PHF24: variants seen among roughly 807,000 people sequenced by gnomAD.
PHF24 encodes PHD finger protein 24.
A neutral mutation model predicts 42.6 loss-of-function variants in PHF24; 25 were observed. The observed-to-expected ratio is 0.59, with a 90% CI of 0.43 to 0.82. PHF24 has a LOEUF of 0.82. PHF24 is among the 40% of genes least tolerant of loss of function. The pLI is 0.00. For missense variants in PHF24, 470 were observed against 538.1 expected (o/e 0.87, Z 1.25); for synonymous variants, 185 against 204.8 (o/e 0.90, Z 0.83).
chr9:34,764,592 C>G, the PHF24 span, among the ~76,000 whole-genome samples: 1 of 151,828 alleles, frequency 6.6e-6, no homozygotes, highest in Non-Finnish European at 1.5e-5. Context: ...TCTCTCTTTT[C>G]TTCTTTATTA....
chr9:34,869,570 A>G, the PHF24 span, among the ~76,000 whole-genome samples: 1 of 152,006 alleles, frequency 6.6e-6, no homozygotes, highest in Non-Finnish European at 1.5e-5. Context: ...CTGCTGCAGA[A>G]CAGCTCCCCC....
chr9:34,908,975 G>A, the PHF24 span, among the ~76,000 whole-genome samples: 2 of 151,196 alleles, frequency 1.3e-5, no homozygotes, highest in East Asian at 1.9e-4. Context: ...AGCCTCCCAA[G>A]TAGCTGGGAT....
the PHF24 span, among the ~76,000 whole-genome samples, chr9:34,944,445 C>T: frequency 6.6e-6 from 1 of 152,234 alleles, no homozygotes; most frequent in African/African-American, 2.4e-5. Flanking sequence ...AAGTTTTTGG[C>T]CTAACAGCCA....
At chr9:34,919,649 G>GGTCTTA in the PHF24 span, among the ~76,000 whole-genome samples, 3 of 126,780 alleles carry the variant, frequency 2.4e-5, no homozygotes, top group Non-Finnish European at 5.1e-5. Flanking sequence ...TCAAATACTA[G>GGTCTTA]GTCTTATTCA....
the PHF24 span, among the ~76,000 whole-genome samples, chr9:34,666,876 C>T: frequency 2.0e-5 from 3 of 152,226 alleles, no homozygotes; most frequent in East Asian, 3.9e-4. Flanking sequence ...AACTGGGAGG[C>T]GGAGGTTGCT....
At chr9:34,677,633 C>T in the PHF24 span, among the ~76,000 whole-genome samples, 12 of 152,096 alleles carry the variant, frequency 7.9e-5, no homozygotes, top group South Asian at 2.1e-4. Context: ...CTCCTGACCT[C>T]GTGATCCACC....
the PHF24 span, among the ~76,000 whole-genome samples, chr9:34,864,043 G>T: frequency 6.6e-6 from 1 of 152,210 alleles, no homozygotes; most frequent in Non-Finnish European, 1.5e-5. Context: ...TAGCAGAATT[G>T]ATGAAGCAGA....
chr9:34,868,926 G>A, the PHF24 span, among the ~76,000 whole-genome samples: 3 of 152,116 alleles, frequency 2.0e-5, no homozygotes, highest in Non-Finnish European at 4.4e-5. Flanking sequence ...CTGCATGACA[G>A]GCCCCAGTGT....
At chr9:34,777,633 C>CT in the PHF24 span, among the ~76,000 whole-genome samples, 1 of 152,290 alleles carries the variant, frequency 6.6e-6, no homozygotes, top group Admixed American at 6.5e-5. Flanking sequence ...CAAAGTAGTG[C>CT]TTTGCTCATG....
the PHF24 span, among the ~76,000 whole-genome samples, chr9:34,761,729 G>A: frequency 6.6e-6 from 1 of 151,938 alleles, no homozygotes; most frequent in African/African-American, 2.4e-5. Context: ...AAGTTTTAGG[G>A]TACATGTGCA....
chr9:34,937,004 G>A, the PHF24 span, among the ~76,000 whole-genome samples: 1 of 143,522 alleles, frequency 7.0e-6, no homozygotes, highest in South Asian at 2.2e-4. Flanking sequence ...CAGGCCAGCC[G>A]CCCCGTCCGG....
chr9:34,748,363 C>T, the PHF24 span, among the ~76,000 whole-genome samples: 1 of 152,122 alleles, frequency 6.6e-6, no homozygotes, highest in Admixed American at 6.5e-5. Flanking sequence ...GTGATTGGAT[C>T]ATGGGGGCAG....
At chr9:34,853,920 G>T in the PHF24 span, among the ~76,000 whole-genome samples, 1 of 151,596 alleles carries the variant, frequency 6.6e-6, no homozygotes, top group Non-Finnish European at 1.5e-5. Flanking sequence ...AGCTTTTTTG[G>T]TTGCTAGGCT....
At chr9:34,923,829 T>C in the PHF24 span, among the ~76,000 whole-genome samples, 1 of 152,096 alleles carries the variant, frequency 6.6e-6, no homozygotes, top group Non-Finnish European at 1.5e-5. Flanking sequence ...CTTTGATCTT[T>C]ATTACTTTTT....
chr9:34,779,797 C>T, the PHF24 span, among the ~76,000 whole-genome samples: 4 of 152,198 alleles, frequency 2.6e-5, no homozygotes, highest in Non-Finnish European at 5.9e-5. Flanking sequence ...GCGATCTTGG[C>T]TCACTGCAAC....
the PHF24 span, among the ~76,000 whole-genome samples, chr9:34,793,962 A>G: frequency 6.6e-6 from 1 of 151,454 alleles, no homozygotes; most frequent in East Asian, 2.0e-4. Flanking sequence ...TGGTCCATAG[A>G]GTGGGATAAA....
the PHF24 span, among the ~76,000 whole-genome samples, chr9:34,746,263 T>C: frequency 6.6e-6 from 1 of 152,222 alleles, no homozygotes; most frequent in East Asian, 1.9e-4. Flanking sequence ...TTGAATCCTC[T>C]CAGTCTCTGA....
chr9:34,691,034 C>T, the PHF24 span: 2 of 1,442,188 alleles, frequency 1.4e-6, no homozygotes, highest in African/African-American at 1.4e-5. Flanking sequence ...GAGATCTAGA[C>T]ATTACCCACT....
At chr9:34,694,498 GT>G in the PHF24 span, among the ~76,000 whole-genome samples, 3 of 151,970 alleles carry the variant, frequency 2.0e-5, no homozygotes, top group Non-Finnish European at 4.4e-5. Context: ...ACCCAGCTAA[GT>G]TTTTTGTATT....
Sources: allele counts gnomAD v4.1 joint callset (sites outside exome capture counted in the v4.1 genomes callset), GRCh38; gene constraint gnomAD v4.1.1; transcripts MANE v1.5; gene names NCBI Gene and HGNC (gene_info 2026-07-23, HGNC 2026-07-21).